The following ZFYVE28 variants were observed in gnomAD, a reference collection of about 807,000 sequenced individuals.
ZFYVE28 encodes zinc finger FYVE-type containing 28.
A neutral mutation model predicts 82.1 loss-of-function variants in ZFYVE28; 40 were observed. The ratio of observed to expected loss-of-function variants is 0.49; its 90% confidence interval spans 0.38 to 0.63. The LOEUF (loss-of-function observed/expected upper bound fraction) is 0.63. Among genes scored for constraint, ZFYVE28 ranks in the 30% least tolerant of loss-of-function variants. The pLI is 0.00. For missense variants in ZFYVE28, 1,321 were observed against 1,242.1 expected (o/e 1.06, Z -0.96); for synonymous variants, 612 against 546.1 (o/e 1.12, Z -1.68).
chr4:2,402,814 C>T (rs1420890382), intron 1 of ZFYVE28, among the ~76,000 whole-genome samples: 1 of 152,182 alleles, frequency 6.6e-6, no homozygotes. Flanking sequence ...CTCAGTCAGC[C>T]TCTCACTGCA....
chr4:2,339,523 T>A lies in ZFYVE28; in HGVS notation c.451A>T (p.Asn151Tyr), dbSNP rs750393809. ...TCCCTCATCTTCTCTGTGTAGGTGT[T>A]CAGGTCCCGCAGCGCCTGGTCACGG... ...ALRDQALRDLNTYTEKMREAL... is the reference protein window; with the variant it reads ...ALRDQALRDLYTYTEKMREAL... Residue 151 changes from asparagine (N) to tyrosine (Y), a missense_variant, in exon 4 of 13, where the codon AAC becomes TAC. Asn to Tyr is a moderately radical substitution (Grantham distance 143). Coordinates refer to ENST00000290974, the MANE Select transcript of ZFYVE28 (RefSeq NM_020972.3). The surrounding 1 kb of genome is among the most constrained non-coding windows in gnomAD (Gnocchi z 5.0). 5.0e-6 allele frequency: 8 copies of A among 1,613,868 alleles called. No individual in the cohort carries two copies. In the East Asian group the frequency reaches 1.8e-4, roughly 36 times the overall value.
At chr4:2,315,065 C>T (rs568858456) in intron 7 of ZFYVE28, among the ~76,000 whole-genome samples, 42 of 151,694 alleles carry the variant, frequency 2.8e-4, no homozygotes, top group East Asian at 7.8e-4. Context: ...CAGGAGCCAC[C>T]GCACCTGGCC....
Position 2,270,501 on chromosome 4 carries a change from C to T in ZFYVE28, c.*224G>A, listed in dbSNP as rs577884608. 3.1e-6 allele frequency: 2 copies of T among 636,580 alleles called. No individual in the cohort carries two copies. The highest frequency in any genetic ancestry group is 3.9e-5 in the South Asian group (2 of 50,832). 39.4% of individuals were successfully genotyped at this position (636,580 alleles called of 1,614,324 possible). On this transcript the variant is annotated 3_prime_UTR_variant, in exon 13 of 13. Coordinates refer to ENST00000290974, the MANE Select transcript of ZFYVE28 (RefSeq NM_020972.3). ...GCAGCCACCAGGCTCCTCCGGGTCC[C>T]CTGCTGGGCAAAGCTGACCTCTTGT...
chr4:2,326,580 T>A (rs1719876793), intron 6 of ZFYVE28, among the ~76,000 whole-genome samples: 1 of 152,186 alleles, frequency 6.6e-6, no homozygotes, highest in African/African-American at 2.4e-5. Flanking sequence ...ATAAAAAAAA[T>A]GATGTTGGGC....
At position 2,308,639 on chromosome 4, in the gene ZFYVE28, AAG is replaced by A. The variant is rs1491577015; in HGVS notation, c.804-3105_804-3104del. 3.4e-3 allele frequency among the ~76,000 whole-genome samples: 425 copies of A among 124,060 alleles called. 1 individual carries two copies. Among genetic ancestry groups the A allele is most frequent in the African/African-American group, 0.013 (418 of 31,020 alleles). The allele number at this position is 124,060 out of a possible 152,430, so 81.4% of individuals were successfully genotyped here. A position where few individuals can be genotyped will look rare whatever the true frequency, so the allele number is the denominator to read the frequency against. On this transcript the variant is annotated intron_variant, in intron 7 of 12. Coordinates refer to ENST00000290974, the MANE Select transcript of ZFYVE28 (RefSeq NM_020972.3). ...GAAAGAAAGAAGACAGAAAGAAAGA[AAG>A]AAAGAAAGAAAGAAAGAAAGAAAGA...
intron 1 of ZFYVE28, among the ~76,000 whole-genome samples, chr4:2,374,544 G>A (rs886396659): frequency 6.6e-6 from 1 of 152,178 alleles, no homozygotes; most frequent in Non-Finnish European, 1.5e-5. Context: ...GCCCAGGCAG[G>A]TTGAGGCTGC....
chr4:2,278,850 C>T (rs1711531110), intron 8 of ZFYVE28, among the ~76,000 whole-genome samples: 1 of 151,550 alleles, frequency 6.6e-6, no homozygotes, highest in South Asian at 2.1e-4. Flanking sequence ...TGAACAGATG[C>T]CCAACATCAC....
chr4:2,406,062 A>AAAAAGAAAG (rs1553867781), intron 1 of ZFYVE28, among the ~76,000 whole-genome samples: 1,899 of 124,902 alleles, frequency 0.015, 80 homozygotes, highest in African/African-American at 0.055. Flanking sequence ...AAAAAAAAAA[A>AAAAAGAAAG]AAAGAAAGAA....
At chr4:2,329,956 T>G (rs1463753093) in intron 6 of ZFYVE28, among the ~76,000 whole-genome samples, 1 of 152,184 alleles carries the variant, frequency 6.6e-6, no homozygotes, top group Non-Finnish European at 1.5e-5. Context: ...CACCACACTA[T>G]GACATGACAG....
chr4:2,333,194 C>A (rs1261300041), intron 6 of ZFYVE28, among the ~76,000 whole-genome samples: 1 of 147,428 alleles, frequency 6.8e-6, no homozygotes, highest in African/African-American at 2.5e-5. Flanking sequence ...CCCCGCAGCA[C>A]TGGCCTCCCC....
At chr4:2,380,080 A>G (rs1237539213) in intron 1 of ZFYVE28, among the ~76,000 whole-genome samples, 1 of 152,218 alleles carries the variant, frequency 6.6e-6, no homozygotes, top group African/African-American at 2.4e-5. Flanking sequence ...AGACACTGCA[A>G]TTACTTTTGC....
At chr4:2,363,384 G>A (rs1211806416) in intron 1 of ZFYVE28, among the ~76,000 whole-genome samples, 1 of 152,102 alleles carries the variant, frequency 6.6e-6, no homozygotes, top group African/African-American at 2.4e-5. Flanking sequence ...CCCTCCCAGG[G>A]ACTGTAACAG....
At chr4:2,350,228 GC>G (rs1410418078) in intron 2 of ZFYVE28, among the ~76,000 whole-genome samples, 1 of 152,196 alleles carries the variant, frequency 6.6e-6, no homozygotes, top group Non-Finnish European at 1.5e-5. Flanking sequence ...ACTTTGGGAG[GC>G]CGAGGCAGGT....
At chr4:2,284,831 G>T (rs1268717017) in intron 8 of ZFYVE28, among the ~76,000 whole-genome samples, 1 of 152,210 alleles carries the variant, frequency 6.6e-6, no homozygotes, top group Non-Finnish European at 1.5e-5. Context: ...TCAGGCCACA[G>T]CGGAAACCAA....
At chr4:2,398,418 G>A (rs78742230) in intron 1 of ZFYVE28, among the ~76,000 whole-genome samples, 2,387 of 152,332 alleles carry the variant, frequency 0.016, 70 homozygotes, top group African/African-American at 0.054. Flanking sequence ...GCAGCCAAGC[G>A]GGGCTGCTAC....
At chr4:2,366,155 C>T (rs1263028955) in intron 1 of ZFYVE28, among the ~76,000 whole-genome samples, 1 of 152,248 alleles carries the variant, frequency 6.6e-6, no homozygotes, top group African/African-American at 2.4e-5. Flanking sequence ...CGCAGAATTA[C>T]AGCACCCAGT....
chr4:2,323,276 G>C (rs1302226363), intron 6 of ZFYVE28, among the ~76,000 whole-genome samples: 1 of 152,132 alleles, frequency 6.6e-6, no homozygotes, highest in African/African-American at 2.4e-5. Context: ...TCATGGTTTT[G>C]ACTTGCATTT....
chr4:2,318,413 C>G (rs1718542250), intron 7 of ZFYVE28, among the ~76,000 whole-genome samples: 1 of 152,150 alleles, frequency 6.6e-6, no homozygotes, highest in Non-Finnish European at 1.5e-5. Context: ...TAAAAATTAG[C>G]CGGGCATGGT....
chr4:2,371,117 G>A (rs1273455749), intron 1 of ZFYVE28, among the ~76,000 whole-genome samples: 1 of 152,176 alleles, frequency 6.6e-6, no homozygotes, highest in Non-Finnish European at 1.5e-5. Context: ...ACTTGGAGCT[G>A]GAGAGAAGAT....
Sources: gnomAD v4.1 joint callset for allele counts (sites outside exome capture counted in the v4.1 genomes callset) on GRCh38, gnomAD v4.1.1 for gene constraint, Gnocchi (gnomAD v3.1) non-coding constraint, MANE v1.5 for transcripts, NCBI Gene and HGNC (gene_info 2026-07-23, HGNC 2026-07-21) for gene names.